MAP2: variants seen among roughly 807,000 people sequenced by gnomAD.
MAP2 encodes the protein microtubule associated protein 2.
MAP2 carries 14 observed loss-of-function variants against 137.6 expected under a neutral mutation model. That is an observed-to-expected ratio of 0.10 (90% CI 0.07 to 0.16). The LOEUF (loss-of-function observed/expected upper bound fraction) is 0.16. Ranked by LOEUF, MAP2 falls within the 10% of genes least tolerant of loss-of-function variation. MAP2 has a pLI of 1.00. For missense variants in MAP2, 2,088 were observed against 2,191.5 expected (o/e 0.95, Z 0.94); for synonymous variants, 786 against 782.3 (o/e 1.00, Z -0.08).
chr2:209,466,941 T>A (rs1377667987), intron 1 of MAP2, among the ~76,000 whole-genome samples: 1 of 152,212 alleles, frequency 6.6e-6, no homozygotes, highest in Non-Finnish European at 1.5e-5. Flanking sequence ...ACATTTCCAG[T>A]TGCCCAGTGG....
At chr2:209,690,191 C>A (rs2058430698) in intron 7 of MAP2, among the ~76,000 whole-genome samples, 1 of 147,932 alleles carries the variant, frequency 6.8e-6, no homozygotes, top group Non-Finnish European at 1.5e-5. Context: ...AATTTAAAGG[C>A]TTTTTTTTTT....
intron 1 of MAP2, among the ~76,000 whole-genome samples, chr2:209,432,548 G>C (rs1271341927): frequency 6.6e-6 from 1 of 152,080 alleles, no homozygotes; most frequent in African/African-American, 2.4e-5. Flanking sequence ...ACATATTCCT[G>C]GTCACTGAAA....
intron 5 of MAP2, among the ~76,000 whole-genome samples, chr2:209,668,083 A>G (rs2047131505): frequency 2.0e-5 from 3 of 152,060 alleles, no homozygotes; most frequent in Admixed American, 6.6e-5. Context: ...CTGGGCTCCT[A>G]CAATAGGACA....
intron 2 of MAP2, among the ~76,000 whole-genome samples, chr2:209,525,476 C>T (rs911484483): frequency 1.3e-5 from 2 of 152,086 alleles, no homozygotes; most frequent in East Asian, 1.9e-4. Flanking sequence ...TTGTTATTCA[C>T]GGAAGGCTAA....
intron 7 of MAP2, among the ~76,000 whole-genome samples, chr2:209,688,147 T>C (rs1344272830): frequency 1.3e-5 from 2 of 152,106 alleles, no homozygotes; most frequent in Non-Finnish European, 2.9e-5. Flanking sequence ...AAAGAAGCCT[T>C]ACTAGAGGCA....
In MAP2 at chr2:209,732,119, C is replaced by A. The variant is rs1243094254; in HGVS notation, c.*1722C>A. 1 of 152,158 alleles carries A rather than the reference C, an allele frequency of 6.6e-6. No individual in the cohort carries two copies. The highest frequency in any genetic ancestry group is 1.5e-5 in the Non-Finnish European group (1 of 68,042). The allele number at this position is 152,158 out of a possible 1,614,324, so 9.4% of individuals were successfully genotyped here. A position where few individuals can be genotyped will look rare whatever the true frequency, so the allele number is the denominator to read the frequency against. ...TCAGGGCTGGTAGGTTGGATCTGAA[C>A]CATTAAAATCAAATGGTCCACTAGG... is the stretch of plus-strand genomic sequence containing the variant. On this transcript the variant is annotated 3_prime_UTR_variant, in exon 16 of 16. Transcript: ENST00000682079.
intron 5 of MAP2, among the ~76,000 whole-genome samples, chr2:209,664,795 A>T (rs1288179244): frequency 6.6e-6 from 1 of 151,856 alleles, no homozygotes; most frequent in Admixed American, 6.6e-5. Context: ...TCCCATCTCT[A>T]CTAAAAATAC....
chr2:209,494,088 G>A (rs533523024), intron 1 of MAP2, among the ~76,000 whole-genome samples: 1 of 152,134 alleles, frequency 6.6e-6, no homozygotes, highest in Non-Finnish European at 1.5e-5. Flanking sequence ...ATACACCATG[G>A]AATATTATGC....
At chr2:209,645,098 T>A (rs1442550675) in intron 4 of MAP2, among the ~76,000 whole-genome samples, 1 of 152,244 alleles carries the variant, frequency 6.6e-6, no homozygotes, top group Non-Finnish European at 1.5e-5. Context: ...CAGGAACTAC[T>A]TTTTGTTACA....
intron 3 of MAP2, among the ~76,000 whole-genome samples, chr2:209,616,740 A>C (rs993744290): frequency 6.6e-6 from 1 of 152,198 alleles, no homozygotes; most frequent in African/African-American, 2.4e-5. Flanking sequence ...GGAGTGGGGC[A>C]GACATTAAAC....
At chr2:209,576,898 A>G (rs2075449737) in intron 2 of MAP2, among the ~76,000 whole-genome samples, 1 of 152,244 alleles carries the variant, frequency 6.6e-6, no homozygotes, top group Non-Finnish European at 1.5e-5. Flanking sequence ...AAAAAAAGAA[A>G]AGAAAAAGAG....
intron 7 of MAP2, chr2:209,684,680 G>A (rs1196144139): frequency 6.6e-6 from 1 of 152,148 alleles, no homozygotes; most frequent in Non-Finnish European, 1.5e-5. Context: ...TATTTTTGAA[G>A]ATTATAATTA....
chr2:209,598,620 C>G (rs2082076519), intron 3 of MAP2, among the ~76,000 whole-genome samples: 1 of 143,520 alleles, frequency 7.0e-6, no homozygotes, highest in Non-Finnish European at 1.5e-5. Context: ...ACAACAGTCC[C>G]CAGAGTGTGA....
At chr2:209,503,637 TACCTAAC>T (rs1252504850) in intron 1 of MAP2, among the ~76,000 whole-genome samples, 3 of 152,172 alleles carry the variant, frequency 2.0e-5, no homozygotes, top group Non-Finnish European at 4.4e-5. Context: ...GTACCCAGTT[TACCTAAC>T]ACCATTTATT....
At chr2:209,724,862 G>T (rs576470656) in intron 13 of MAP2, among the ~76,000 whole-genome samples, 1 of 152,334 alleles carries the variant, frequency 6.6e-6, no homozygotes, top group Non-Finnish European at 1.5e-5. Flanking sequence ...GGTATCAGAG[G>T]ATGGACCCAG....
intron 7 of MAP2, among the ~76,000 whole-genome samples, chr2:209,689,936 A>G (rs544361533): frequency 6.6e-6 from 1 of 152,334 alleles, no homozygotes; most frequent in East Asian, 1.9e-4. Context: ...ATACAATGCA[A>G]TGAAGCTAAC....
intron 10 of MAP2, 78 bp downstream of exon 10, chr2:209,697,129 T>C (rs1422075123): frequency 2.9e-6 from 4 of 1,389,532 alleles, no homozygotes; most frequent in Non-Finnish European, 3.8e-6. Flanking sequence ...TGTAGCAGCT[T>C]CTTCATTTTG....
chr2:209,685,388 A>G (rs777624956), intron 7 of MAP2, among the ~76,000 whole-genome samples: 3 of 152,210 alleles, frequency 2.0e-5, no homozygotes, highest in Non-Finnish European at 4.4e-5. Context: ...ACACAACACA[A>G]TAAGAAATGA....
At chr2:209,562,495 G>A (rs1318548193) in intron 2 of MAP2, among the ~76,000 whole-genome samples, 1 of 151,932 alleles carries the variant, frequency 6.6e-6, no homozygotes. Flanking sequence ...TCAGGAGTTT[G>A]AAACCAGCCT....
Sources: allele counts gnomAD v4.1 joint callset (sites outside exome capture counted in the v4.1 genomes callset), GRCh38; gene constraint gnomAD v4.1.1; transcripts MANE v1.5; gene names NCBI Gene and HGNC (gene_info 2026-07-23, HGNC 2026-07-21).